The following WAC variants were observed in gnomAD, a reference collection of about 807,000 sequenced individuals.
WAC encodes the protein WW domain-containing adapter protein with coiled-coil.
WAC carries 11 observed loss-of-function variants against 79.6 expected under a neutral mutation model. The ratio of observed to expected loss-of-function variants is 0.14; its 90% confidence interval spans 0.09 to 0.23. The LOEUF (loss-of-function observed/expected upper bound fraction) is 0.23. Ranked by LOEUF, WAC falls within the 10% of genes least tolerant of loss-of-function variation. The pLI, the probability that WAC is intolerant of heterozygous loss-of-function variation, is 1.00. For missense variants in WAC, 728 were observed against 773.5 expected (o/e 0.94, Z 0.70); for synonymous variants, 304 against 276.9 (o/e 1.10, Z -0.97).
At chr10:28,584,832 C>T (rs1245842125) in intron 4 of WAC, among the ~76,000 whole-genome samples, 6 of 152,120 alleles carry the variant, frequency 3.9e-5, no homozygotes, top group Admixed American at 6.5e-5. Flanking sequence ...TGGCTCGCTC[C>T]TGTAATCCTA....
At chr10:28,597,117 A>T (rs1171086359) in intron 7 of WAC, among the ~76,000 whole-genome samples, 4 of 152,160 alleles carry the variant, frequency 2.6e-5, no homozygotes, top group African/African-American at 9.6e-5. Context: ...TTTCCTTGTT[A>T]TTCAACCATA....
intron 3 of WAC, among the ~76,000 whole-genome samples, chr10:28,581,524 T>G (rs553957233): frequency 6.6e-6 from 1 of 152,106 alleles, no homozygotes; most frequent in African/African-American, 2.4e-5. Flanking sequence ...CTGTTAACTT[T>G]TCCTGTATAC....
intron 6 of WAC, among the ~76,000 whole-genome samples, chr10:28,594,058 C>T (rs898553824): frequency 2.0e-5 from 3 of 152,184 alleles, no homozygotes; most frequent in African/African-American, 7.2e-5. Context: ...AAGCACCACC[C>T]TCTGGGAGGG....
chr10:28,602,724 T>C (rs1840703239), intron 7 of WAC, among the ~76,000 whole-genome samples: 1 of 152,206 alleles, frequency 6.6e-6, no homozygotes, highest in Non-Finnish European at 1.5e-5. Flanking sequence ...GTTTATGCTC[T>C]TTACAGTAGT....
chr10:28,564,557 C>G (rs1838491587), intron 3 of WAC, among the ~76,000 whole-genome samples: 1 of 152,124 alleles, frequency 6.6e-6, no homozygotes, highest in Non-Finnish European at 1.5e-5. Flanking sequence ...ACAAGGAGAA[C>G]AATACCACAC....
intron 7 of WAC, among the ~76,000 whole-genome samples, chr10:28,599,982 C>T (rs965392694): frequency 2.6e-5 from 4 of 152,182 alleles, no homozygotes; most frequent in Non-Finnish European, 5.9e-5. Context: ...TAAACCTGCT[C>T]TAACTCTGCC....
intron 3 of WAC, among the ~76,000 whole-genome samples, chr10:28,539,570 TG>T (rs1425870054): frequency 9.0e-4 from 42 of 46,416 alleles, no homozygotes; most frequent in Non-Finnish European, 1.1e-3. Flanking sequence ...GTTTGTTTTT[TG>T]GTTTTTTTTT....
chr10:28,566,518 A>G (rs1041711073), intron 3 of WAC, among the ~76,000 whole-genome samples: 7 of 152,066 alleles, frequency 4.6e-5, no homozygotes, highest in Non-Finnish European at 1.0e-4. Context: ...TCCATTTGTG[A>G]ATGTATGTTG....
intron 7 of WAC, among the ~76,000 whole-genome samples, chr10:28,603,729 C>T (rs922116876): frequency 6.6e-6 from 1 of 151,212 alleles, no homozygotes; most frequent in Non-Finnish European, 1.5e-5. Context: ...GTCAGGAGAT[C>T]GAGACCATCC....
intron 3 of WAC, among the ~76,000 whole-genome samples, chr10:28,536,279 T>A (rs1589116592): frequency 6.6e-6 from 1 of 150,950 alleles, no homozygotes; most frequent in East Asian, 1.9e-4. Context: ...TAGTGTTTAA[T>A]AATAAGGGAA....
intron 4 of WAC, among the ~76,000 whole-genome samples, chr10:28,586,022 C>T (rs1402344268): frequency 2.6e-5 from 4 of 152,140 alleles, no homozygotes; most frequent in Admixed American, 6.6e-5. Flanking sequence ...CTGGAATCCG[C>T]GTTCTGGTTT....
intron 3 of WAC, among the ~76,000 whole-genome samples, chr10:28,567,303 TTG>T (rs913998029): frequency 6.6e-6 from 1 of 152,108 alleles, no homozygotes; most frequent in Non-Finnish European, 1.5e-5. Context: ...TGTACAGGCT[TTG>T]TGTGTGTTTG....
chr10:28,534,789 T>A (rs1025323940), intron 2 of WAC, among the ~76,000 whole-genome samples: 2 of 152,228 alleles, frequency 1.3e-5, no homozygotes, highest in African/African-American at 4.8e-5. Flanking sequence ...CTGATGGTTG[T>A]GTTATACAGC....
rs1021314333 is a variant in WAC at position 28,576,290 on chromosome 10, A to G, written c.275-7109A>G. ...CACTGTGCTAAAAATATGTAGCCAT[A>G]TATATATATTTAAGATAAGATACGG... is the stretch of plus-strand genomic sequence containing the variant. On this transcript the variant is annotated intron_variant, in intron 3 of 13. Transcript: ENST00000354911. Among the ~76,000 whole-genome samples, 15 of 152,242 alleles carry G rather than the reference A, an allele frequency of 9.9e-5. No individual in the cohort carries two copies. In the South Asian group the frequency reaches 1.7e-3, roughly 17 times the overall value.
chr10:28,553,951 C>G (rs1315035982), intron 3 of WAC, among the ~76,000 whole-genome samples: 2 of 152,134 alleles, frequency 1.3e-5, no homozygotes, highest in African/African-American at 4.8e-5. Context: ...TCACTGCAGC[C>G]TCCACCTCCC....
intron 6 of WAC, chr10:28,591,815 C>CA (rs1375376032): frequency 1.5e-5 from 2 of 129,466 alleles, no homozygotes; most frequent in African/African-American, 2.8e-5. Context: ...AGCCTGGCAA[C>CA]AGAGTCAGAC....
In WAC at chr10:28,596,103, C is replaced by T. The variant is rs1589219908; in HGVS notation, c.919+62C>T. 4 of 1,480,064 alleles carry T rather than the reference C, an allele frequency of 2.7e-6. No individual in the cohort carries two copies. In the East Asian group the frequency reaches 9.2e-5, roughly 34 times the overall value. 91.7% of individuals were successfully genotyped at this position (1,480,064 alleles called of 1,614,324 possible). ...TAGTTTCTAAGTTTCTTCTAAGTTT[C>T]TTATATATTACATTATTTCCTTTGG... is the stretch of plus-strand genomic sequence containing the variant. On this transcript the variant is annotated intron_variant, in intron 7 of 13. Transcript: ENST00000354911.
At chr10:28,599,368 A>G (rs1355949295) in intron 7 of WAC, among the ~76,000 whole-genome samples, 1 of 152,198 alleles carries the variant, frequency 6.6e-6, no homozygotes, top group Non-Finnish European at 1.5e-5. Context: ...CCACTGCTCT[A>G]TTCCTAGTGC....
chr10:28,576,924 T>C (rs1372615753), intron 3 of WAC, among the ~76,000 whole-genome samples: 1 of 152,174 alleles, frequency 6.6e-6, no homozygotes, highest in African/African-American at 2.4e-5. Context: ...TTGCATTTGT[T>C]TTTTTACCTA....
Sources: allele counts gnomAD v4.1 joint callset (sites outside exome capture counted in the v4.1 genomes callset), GRCh38; gene constraint gnomAD v4.1.1; transcripts MANE v1.5; gene names NCBI Gene and HGNC (gene_info 2026-07-23, HGNC 2026-07-21).